COL4A4: variants seen among roughly 807,000 people sequenced by gnomAD.
The protein encoded by COL4A4 is collagen alpha-4(IV) chain.
A neutral mutation model predicts 192.9 loss-of-function variants in COL4A4; 105 were observed. That is an observed-to-expected ratio of 0.54 (90% confidence interval 0.46 to 0.64). COL4A4 has a LOEUF of 0.64. Among genes scored for constraint, COL4A4 ranks in the 30% least tolerant of loss-of-function variants. The pLI, the probability that COL4A4 is intolerant of heterozygous loss-of-function variation, is 0.00. For missense variants in COL4A4, 1,967 were observed against 2,169.3 expected (o/e 0.91, Z 1.85); for synonymous variants, 762 against 769.9 (o/e 0.99, Z 0.17).
chr2:227,109,108 C>A (rs751447966), intron 10 of COL4A4, 116 bp downstream of exon 10: 2 of 1,025,898 alleles, frequency 1.9e-6, no homozygotes, highest in East Asian at 4.7e-5. Flanking sequence ...ACTGATTCAT[C>A]GATTATAATC....
chr2:226,976,022 G>C, the COL4A4 span, among the ~76,000 whole-genome samples: 1 of 151,930 alleles, frequency 6.6e-6, no homozygotes, highest in East Asian at 1.9e-4. Flanking sequence ...TAGCATAGCA[G>C]GGCCTGTCTG....
chr2:227,100,412 C>T (rs1446788641), intron 17 of COL4A4, among the ~76,000 whole-genome samples: 2 of 151,746 alleles, frequency 1.3e-5, no homozygotes, highest in African/African-American at 4.9e-5. Flanking sequence ...AAGTACTATA[C>T]AGTCAGCACT....
rs774525054 is a variant in COL4A4 at position 227,147,325 on chromosome 2, T to G, written c.71+88A>C. ...TGGAATGATTTGGCTTTTTGACATA[T>G]TAAGCATTCAGACGGTTTACATCCA... On this transcript the variant is annotated intron_variant, in intron 2 of 47. Coordinates refer to ENST00000396625, the MANE Select transcript of COL4A4 (RefSeq NM_000092.5). 2.4e-6 allele frequency: 3 copies of G among 1,275,346 alleles called. No individual in the cohort carries two copies. The South Asian group carries it at 3.6e-5, about 15-fold the overall frequency. 79.0% of individuals were successfully genotyped at this position (1,275,346 alleles called of 1,614,324 possible).
intron 25 of COL4A4, among the ~76,000 whole-genome samples, chr2:227,075,939 G>A (rs2059000421): frequency 1.3e-5 from 2 of 151,718 alleles, no homozygotes; most frequent in African/African-American, 4.8e-5. Context: ...GGAATATGAA[G>A]GACCTCTTCA....
At chr2:227,039,973 A>G (rs1970450875) in intron 37 of COL4A4, among the ~76,000 whole-genome samples, 1 of 152,258 alleles carries the variant, frequency 6.6e-6, no homozygotes, top group Non-Finnish European at 1.5e-5. Flanking sequence ...GTGAAAATAC[A>G]TGAGTATACC....
At chr2:227,155,370 C>T (rs1559760224) in intron 1 of COL4A4, among the ~76,000 whole-genome samples, 3 of 152,178 alleles carry the variant, frequency 2.0e-5, no homozygotes, top group Admixed American at 1.3e-4. Context: ...AATTTGACAG[C>T]AACCATAATA....
intron 1 of COL4A4, among the ~76,000 whole-genome samples, chr2:227,148,362 G>A (rs1035693141): frequency 6.6e-6 from 1 of 152,204 alleles, no homozygotes; most frequent in African/African-American, 2.4e-5. Context: ...CAGCATGAAT[G>A]AATCTCGACA....
chr2:227,141,800 C>T (rs76984660), intron 3 of COL4A4, among the ~76,000 whole-genome samples: 1 of 151,702 alleles, frequency 6.6e-6, no homozygotes, highest in African/African-American at 2.4e-5. Flanking sequence ...GTTAAACACC[C>T]TGATAAGGTT....
At position 227,077,930 on chromosome 2, in the gene COL4A4, C is replaced by A; in HGVS notation, c.1951G>T (p.Gly651Cys). ...TTCAAGCCATCAGGGCCCCTCACAC[C>A]TGGGTGGCCTGGAACTCCTGGGTGG... ...RGHPGVPGHPGVRGPDGLKGQ... is the reference protein window; with the variant it reads ...RGHPGVPGHPCVRGPDGLKGQ... Residue 651 changes from glycine (G) to cysteine (C), a missense_variant, in exon 25 of 48, where the codon GGT becomes TGT. Gly to Cys is a radical substitution (Grantham distance 159, BLOSUM62 -3). Transcript: ENST00000396625. 1 of 1,613,502 alleles carries A rather than the reference C, an allele frequency of 6.2e-7. No homozygotes were observed. Among genetic ancestry groups the A allele is most frequent in the Non-Finnish European group, 8.5e-7 (1 of 1,180,000 alleles).
intron 4 of COL4A4, among the ~76,000 whole-genome samples, chr2:227,135,741 C>G (rs2062770921): frequency 6.6e-6 from 1 of 152,030 alleles, no homozygotes; most frequent in Non-Finnish European, 1.5e-5. Context: ...CTCATGGGTT[C>G]AAGCAATTCT....
chr2:226,967,758 C>T, the COL4A4 span, among the ~76,000 whole-genome samples: 1 of 152,000 alleles, frequency 6.6e-6, no homozygotes, highest in East Asian at 1.9e-4. Context: ...CCCCAAGAGG[C>T]ATTTGCAAAT....
At chr2:226,993,928 A>G in the COL4A4 span, among the ~76,000 whole-genome samples, 1 of 152,234 alleles carries the variant, frequency 6.6e-6, no homozygotes, top group African/African-American at 2.4e-5. Context: ...CTCTTGGGCA[A>G]TGAGCAAGAG....
At chr2:227,009,433 G>A (rs1963020942) in intron 46 of COL4A4, among the ~76,000 whole-genome samples, 1 of 152,194 alleles carries the variant, frequency 6.6e-6, no homozygotes, top group Admixed American at 6.5e-5. Flanking sequence ...GCTGGGCACG[G>A]TGGCTCACAC....
In COL4A4 at chr2:227,121,043, G is replaced by C; in HGVS notation, c.298C>G (p.Pro100Ala). The C allele has an allele frequency of 7.4e-6, 12 of 1,614,124 alleles. No homozygotes were observed. Among genetic ancestry groups the C allele is most frequent in the Non-Finnish European group, 1.0e-5 (12 of 1,180,012 alleles). Reference protein sequence around the residue: ...EKGMRGDRGPPGAAGDKGDKG... With the variant: ...EKGMRGDRGPAGAAGDKGDKG... Reference sequence around the variant, plus strand: ...TCTCCTTTGTCCCCTGCTGCTCCAGGAGGGCCGCGGTCCCCTCTCATTCCT... The same window carrying C: ...TCTCCTTTGTCCCCTGCTGCTCCAGCAGGGCCGCGGTCCCCTCTCATTCCT... The change falls in exon 5 of 48, where the codon CCT becomes GCT. Residue 100 changes from proline (P) to alanine (A), a missense_variant. Pro to Ala is a conservative substitution (Grantham distance 27). Coordinates refer to ENST00000396625, the MANE Select transcript of COL4A4 (RefSeq NM_000092.5).
intron 22 of COL4A4, among the ~76,000 whole-genome samples, chr2:227,082,687 G>A (rs2059387327): frequency 1.3e-5 from 2 of 152,296 alleles, no homozygotes; most frequent in East Asian, 1.9e-4. Flanking sequence ...GCTGAAGGTA[G>A]AGATTTAGGG....
At chr2:227,034,301 G>A (rs1312119155) in intron 37 of COL4A4, among the ~76,000 whole-genome samples, 1 of 152,150 alleles carries the variant, frequency 6.6e-6, no homozygotes, top group East Asian at 1.9e-4. Flanking sequence ...TTGTCTGAAC[G>A]AGAGCCTTTT....
chr2:227,010,448 G>A lies in COL4A4; in HGVS notation c.4387C>T (p.Leu1463Phe), dbSNP rs1963412273. 6.2e-7 allele frequency: 1 copy of A among 1,613,406 alleles called. No individual in the cohort carries two copies. The highest frequency in any genetic ancestry group is 1.1e-5 in the South Asian group (1 of 90,970). ...PGPKGFGPGY[L>F]GGFLLVLHSQ... Reference sequence around the variant, plus strand: ...TGGAGAACCAGGAGGAAGCCACCGAGGTATCCAGGGCCAAACCCTTTGGGC... The same window carrying A: ...TGGAGAACCAGGAGGAAGCCACCGAAGTATCCAGGGCCAAACCCTTTGGGC... The change falls in exon 46 of 48, where the codon CTC (leucine) becomes TTC (phenylalanine). Residue 1463 changes from leucine to phenylalanine, a missense_variant. Coordinates refer to ENST00000396625, the MANE Select transcript of COL4A4 (RefSeq NM_000092.5).
At chr2:227,058,472 G>C (rs1976060416) in intron 28 of COL4A4, among the ~76,000 whole-genome samples, 1 of 152,074 alleles carries the variant, frequency 6.6e-6, no homozygotes, top group South Asian at 2.1e-4. Flanking sequence ...CCAATTAATT[G>C]TTTCTTTCAA....
intron 44 of COL4A4, among the ~76,000 whole-genome samples, chr2:227,021,015 G>A (rs149689353): frequency 8.6e-5 from 13 of 151,416 alleles, no homozygotes; most frequent in African/African-American, 2.9e-4. Flanking sequence ...ACAGGTGCCC[G>A]CCACCAAGCC....
Sources: allele counts gnomAD v4.1 joint callset (sites outside exome capture counted in the v4.1 genomes callset), GRCh38; gene constraint gnomAD v4.1.1; transcripts MANE v1.5; gene names NCBI Gene and HGNC (gene_info 2026-07-23, HGNC 2026-07-21).